Variants in PCDHA4 observed in about 807,000 individuals in gnomAD.
The protein encoded by PCDHA4 is protocadherin alpha 4, also known as protocadherin alpha-4.
Under a neutral mutation model 61.4 loss-of-function variants are expected in PCDHA4, and 49 were observed. The ratio of observed to expected loss-of-function variants is 0.80; its 90% CI spans 0.63 to 1.01. The LOEUF is 1.01. Among genes scored for constraint, PCDHA4 ranks in the 50% least tolerant of loss-of-function variants. The pLI is 0.00. For synonymous variants in PCDHA4, 590 were observed against 550.3 expected (o/e 1.07, Z -1.01); for missense variants, 1,254 against 1,235.8 (o/e 1.01, Z -0.22).
At chr5:140,809,618 C>T in intron 1 of PCDHA4, 46 bp downstream of exon 1, 1 of 1,511,826 alleles carries the variant, frequency 6.6e-7, no homozygotes, top group Non-Finnish European at 8.9e-7. Context: ...TTGTTTTTCT[C>T]TATCAACTTC....
At chr5:140,971,640 A>G (rs2096489850) in intron 1 of PCDHA4, among the ~76,000 whole-genome samples, 1 of 152,184 alleles carries the variant, frequency 6.6e-6, no homozygotes, top group Non-Finnish European at 1.5e-5. Context: ...CCATGTGCCT[A>G]CATTAAAAGT....
Position 140,968,771 on chromosome 5 carries a change from T to C in PCDHA4, c.2386-10178T>C, listed in dbSNP as rs144153196. The C allele has an allele frequency of 3.1e-6, 5 of 1,614,024 alleles. No homozygotes were observed. Among genetic ancestry groups the C allele is most frequent in the Non-Finnish European group, 4.2e-6 (5 of 1,180,044 alleles). On this transcript the variant is annotated intron_variant, in intron 1 of 3. Transcript: ENST00000530339. The stretch of plus-strand genomic sequence containing the variant: ...GGTGGTCCGAGATAATGGAGAGCCA[T>C]CACTATCAGCCTCTGTGGCCATTAC...
At chr5:141,006,169 A>G (rs553035949) in intron 3 of PCDHA4, among the ~76,000 whole-genome samples, 4 of 149,840 alleles carry the variant, frequency 2.7e-5, no homozygotes, top group Non-Finnish European at 5.9e-5. Flanking sequence ...TCTGATTTAT[A>G]TTTTTAAAAG....
At chr5:140,830,321 G>A (rs2150184954) in intron 1 of PCDHA4, 6 of 1,613,998 alleles carry the variant, frequency 3.7e-6, no homozygotes, top group Admixed American at 1.7e-5. Flanking sequence ...GTGCTCCAGC[G>A]CAGTGGGGAG....
intron 1 of PCDHA4, chr5:140,863,507 T>A: frequency 2.4e-6 from 1 of 420,150 alleles, no homozygotes. Flanking sequence ...CTTTTAGTCC[T>A]AGTGTTCTCC....
intron 1 of PCDHA4, chr5:140,862,613 A>G (rs1247840424): frequency 7.6e-6 from 4 of 522,928 alleles, no homozygotes; most frequent in Non-Finnish European, 1.6e-5. Flanking sequence ...GTGAAAGGTA[A>G]CAACCCGCGG....
intron 1 of PCDHA4, among the ~76,000 whole-genome samples, chr5:140,906,668 C>G (rs1554192641): frequency 1.3e-5 from 2 of 152,152 alleles, no homozygotes; most frequent in African/African-American, 4.8e-5. Flanking sequence ...TGTAGTGACC[C>G]AAACCTTCAT....
chr5:140,929,112 C>A, intron 1 of PCDHA4: 1 of 1,614,130 alleles, frequency 6.2e-7, no homozygotes, highest in South Asian at 1.1e-5. Flanking sequence ...TGACATCAGC[C>A]ACCATAGATG....
intron 1 of PCDHA4, chr5:140,928,604 C>T: frequency 6.2e-7 from 1 of 1,614,198 alleles, no homozygotes; most frequent in Non-Finnish European, 8.5e-7. Context: ...GAAATTGTGC[C>T]CCGCTCTGCC....
intron 1 of PCDHA4, chr5:140,810,526 G>C (rs1554125506): frequency 6.6e-6 from 1 of 152,110 alleles, no homozygotes; most frequent in Non-Finnish European, 1.5e-5. Flanking sequence ...ATTTTACTGG[G>C]TGACTTTTGT....
intron 1 of PCDHA4, chr5:140,835,633 G>A (rs1449740308): frequency 2.5e-5 from 40 of 1,613,932 alleles, no homozygotes; most frequent in Non-Finnish European, 3.2e-5. Flanking sequence ...GACCGCGAGA[G>A]TGTGTCCGCC....
At chr5:140,949,544 T>A (rs981428881) in intron 1 of PCDHA4, among the ~76,000 whole-genome samples, 1 of 151,908 alleles carries the variant, frequency 6.6e-6, no homozygotes, top group Non-Finnish European at 1.5e-5. Flanking sequence ...TATCGATTTG[T>A]TGCTGGTCAT....
chr5:140,916,161 G>C (rs1469456505), intron 1 of PCDHA4, among the ~76,000 whole-genome samples: 2 of 152,084 alleles, frequency 1.3e-5, no homozygotes, highest in African/African-American at 2.4e-5. Flanking sequence ...GGTGAATGCT[G>C]CCAGGCCTGG....
chr5:140,876,954 G>T (rs1554169149), intron 1 of PCDHA4: 1 of 1,613,432 alleles, frequency 6.2e-7, no homozygotes, highest in Non-Finnish European at 8.5e-7. Context: ...CCTACTCGCT[G>T]GTGGAGCGGC....
intron 1 of PCDHA4, chr5:140,824,610 G>GTTGTTT (rs1768193318): frequency 1.1e-5 from 1 of 95,104 alleles, no homozygotes; most frequent in African/African-American, 4.9e-5. Context: ...GCTAATTAAA[G>GTTGTTT]TTTTTTTTTT....
intron 1 of PCDHA4, among the ~76,000 whole-genome samples, chr5:140,888,040 T>C (rs1338203545): frequency 6.6e-6 from 1 of 152,222 alleles, no homozygotes; most frequent in Non-Finnish European, 1.5e-5. Context: ...TTAGTACATG[T>C]ATAATAGATG....
At chr5:140,960,265 T>A (rs1380537220) in intron 1 of PCDHA4, among the ~76,000 whole-genome samples, 2 of 152,174 alleles carry the variant, frequency 1.3e-5, no homozygotes, top group African/African-American at 4.8e-5. Context: ...TTCTGATAAA[T>A]TCCGTCACCT....
intron 1 of PCDHA4, chr5:140,870,723 C>A: frequency 1.9e-6 from 3 of 1,613,170 alleles, no homozygotes; most frequent in East Asian, 4.5e-5. Context: ...GCGATGCGGG[C>A]GTGCCGCCTC....
At position 140,835,620 on chromosome 5, in the gene PCDHA4, C is replaced by G; in HGVS notation, c.2385+26048C>G. 3.7e-6 allele frequency: 6 copies of G among 1,613,942 alleles called. No homozygotes were observed. The South Asian group carries it at 5.5e-5, about 15-fold the overall frequency. On this transcript the variant is annotated intron_variant, in intron 1 of 3. Transcript: ENST00000530339. Reference sequence around the variant, plus strand: ...CTATTCATTGGTGCTGGACAGCGCTCTGGACCGCGAGAGTGTGTCCGCCTA... The same window carrying G: ...CTATTCATTGGTGCTGGACAGCGCTGTGGACCGCGAGAGTGTGTCCGCCTA...
Sources: allele counts gnomAD v4.1 joint callset (sites outside exome capture counted in the v4.1 genomes callset), GRCh38; gene constraint gnomAD v4.1.1; transcripts MANE v1.5; gene names NCBI Gene and HGNC (gene_info 2026-07-23, HGNC 2026-07-21).